TXLNB: variants seen among roughly 807,000 people sequenced by gnomAD.
TXLNB encodes beta-taxilin.
Under a neutral mutation model 57.4 loss-of-function variants are expected in TXLNB, and 37 were observed. That is an observed-to-expected ratio of 0.64 (90% CI 0.50 to 0.85). The LOEUF (loss-of-function observed/expected upper bound fraction) is 0.85, where lower values mean the gene tolerates loss of function less well. TXLNB is among the 40% of genes least tolerant of loss of function. The pLI, the probability that TXLNB is intolerant of heterozygous loss-of-function variation, is 0.00. For missense variants in TXLNB, 848 were observed against 825.6 expected (o/e 1.03, Z -0.33); for synonymous variants, 302 against 309.6 (o/e 0.98, Z 0.26).
At chr6:139,226,302 CAAAAAAAAAAA>C in the TXLNB span, among the ~76,000 whole-genome samples, 2 of 39,248 alleles carry the variant, frequency 5.1e-5, no homozygotes, top group Non-Finnish European at 8.3e-5. Flanking sequence ...GACCCTGTCT[CAAAAAAAAAAA>C]AAAAAAAAAA....
rs368533911 is a variant in TXLNB at position 139,243,328 on chromosome 6, A to G, written c.1267-14T>C. 3.0e-5 allele frequency: 48 copies of G among 1,597,496 alleles called. No homozygotes were observed. Among genetic ancestry groups the G allele is most frequent in the South Asian group, 2.0e-4 (18 of 90,222 alleles). ...TCTCAGTGCTTTCTGTGATGTGAAA[A>G]CACACGCACATACACACACAGATGA... On this transcript the variant is annotated splice_polypyrimidine_tract_variant and intron_variant, in intron 9 of 9. Coordinates refer to ENST00000358430, the MANE Select transcript of TXLNB (RefSeq NM_153235.4).
downstream of TXLNB, among the ~76,000 whole-genome samples, chr6:139,236,764 C>A (rs1401610170): frequency 6.6e-6 from 1 of 152,134 alleles, no homozygotes; most frequent in Non-Finnish European, 1.5e-5. Context: ...GCCACCACAC[C>A]TGGCTAATTT....
At chr6:139,208,287 A>G in the TXLNB span, among the ~76,000 whole-genome samples, 1 of 152,204 alleles carries the variant, frequency 6.6e-6, no homozygotes. Context: ...AAGCAATGAG[A>G]TTGAATCAGT....
chr6:139,171,702 C>A, the TXLNB span, among the ~76,000 whole-genome samples: 1 of 152,298 alleles, frequency 6.6e-6, no homozygotes, highest in East Asian at 1.9e-4. Context: ...ATCATAGCTA[C>A]TGCAGCCTTG....
the TXLNB span, among the ~76,000 whole-genome samples, chr6:139,319,886 A>G: frequency 6.6e-6 from 1 of 152,218 alleles, no homozygotes; most frequent in Non-Finnish European, 1.5e-5. Context: ...GAAATGAGAC[A>G]TTTAGAAAGG....
At chr6:139,318,382 A>G in the TXLNB span, among the ~76,000 whole-genome samples, 1 of 152,004 alleles carries the variant, frequency 6.6e-6, no homozygotes, top group Non-Finnish European at 1.5e-5. Flanking sequence ...AAGTGGTGAT[A>G]ATTCTTACGT....
the TXLNB span, among the ~76,000 whole-genome samples, chr6:139,221,077 T>A: frequency 6.6e-6 from 1 of 152,094 alleles, no homozygotes; most frequent in Non-Finnish European, 1.5e-5. Flanking sequence ...CAACAAAAAC[T>A]TGAAATGGTC....
chr6:139,174,683 G>T, the TXLNB span: 1 of 1,205,482 alleles, frequency 8.3e-7, no homozygotes. Context: ...TAGTCATTTA[G>T]TGGAATACTA....
chr6:139,195,242 T>C, the TXLNB span, among the ~76,000 whole-genome samples: 12 of 152,344 alleles, frequency 7.9e-5, no homozygotes, highest in East Asian at 2.3e-3. Context: ...GTCCACTTTT[T>C]AAACAATTTT....
intron 7 of TXLNB, among the ~76,000 whole-genome samples, chr6:139,253,639 T>C (rs1165041848): frequency 6.6e-6 from 1 of 152,090 alleles, no homozygotes. Flanking sequence ...CTAGAACCCC[T>C]GGTTGATGGT....
At chr6:139,318,348 A>G in the TXLNB span, among the ~76,000 whole-genome samples, 40 of 151,850 alleles carry the variant, frequency 2.6e-4, no homozygotes, top group Non-Finnish European at 1.2e-4. Flanking sequence ...GATGAAAAAT[A>G]TAAGAGAAGA....
the TXLNB span, among the ~76,000 whole-genome samples, chr6:139,213,209 T>C: frequency 9.2e-5 from 14 of 152,160 alleles, no homozygotes; most frequent in African/African-American, 2.4e-4. Flanking sequence ...TATTCCAAAA[T>C]TGACCACATA....
intron 9 of TXLNB, 23 bp from the exon 10 acceptor site, chr6:139,243,337 C>A: frequency 1.9e-6 from 3 of 1,581,448 alleles, no homozygotes; most frequent in South Asian, 1.1e-5. Flanking sequence ...AACACACGCA[C>A]ATACACACAC....
intron 7 of TXLNB, chr6:139,251,306 G>A (rs996944776): frequency 6.6e-6 from 1 of 152,150 alleles, no homozygotes; most frequent in African/African-American, 2.4e-5. Context: ...CTTGCAAAAT[G>A]GAAACTTTAT....
the TXLNB span, among the ~76,000 whole-genome samples, chr6:139,211,048 C>T: frequency 6.6e-6 from 1 of 152,236 alleles, no homozygotes; most frequent in Non-Finnish European, 1.5e-5. Flanking sequence ...GGCTCCACCT[C>T]TGGGGGCAGG....
At chr6:139,171,723 C>G in the TXLNB span, among the ~76,000 whole-genome samples, 1 of 152,150 alleles carries the variant, frequency 6.6e-6, no homozygotes, top group African/African-American at 2.4e-5. Flanking sequence ...GACTGCTGAG[C>G]TCAAGCAGTC....
the TXLNB span, among the ~76,000 whole-genome samples, chr6:139,228,932 C>T: frequency 2.6e-5 from 4 of 152,304 alleles, no homozygotes; most frequent in African/African-American, 4.8e-5. Flanking sequence ...GAACTAAATA[C>T]TCTATCAAGT....
chr6:139,242,637 G>A lies in TXLNB; in HGVS notation c.1944C>T (p.Cys648=), dbSNP rs775152550. 5.6e-6 allele frequency: 9 copies of A among 1,605,646 alleles called. No individual in the cohort carries two copies. Among genetic ancestry groups the A allele is most frequent in the South Asian group, 1.1e-5 (1 of 90,368 alleles). ...CTCGTGGGGGCTGCCTACTGGGCTC[G>A]CATGCAGGCACCATGGCTGCAACGT... The part of the protein sequence containing the change: ...EEHVAAMVPA[C]EPSRQPPRAA... Residue 648 remains cysteine, a synonymous_variant, in exon 10 of 10, where the codon TGC becomes TGT. Coordinates refer to ENST00000358430, the MANE Select transcript of TXLNB (RefSeq NM_153235.4).
At chr6:139,297,734 A>G in the TXLNB span, among the ~76,000 whole-genome samples, 142 of 152,364 alleles carry the variant, frequency 9.3e-4, no homozygotes, top group Non-Finnish European at 1.6e-3. Context: ...CTTTTTAATT[A>G]ATTCCAATAA....
Sources: gnomAD v4.1 joint callset for allele counts (sites outside exome capture counted in the v4.1 genomes callset) on GRCh38, gnomAD v4.1.1 for gene constraint, MANE v1.5 for transcripts, NCBI Gene and HGNC (gene_info 2026-07-23, HGNC 2026-07-21) for gene names.